Variants in PAQR5 observed in about 807,000 individuals in gnomAD.
The protein encoded by PAQR5 is progestin and adipoQ receptor family member 5.
In PAQR5, 20 loss-of-function variants were observed where a neutral mutation model predicts 34.5. The observed-to-expected ratio is 0.58, with a 90% CI of 0.41 to 0.84. The LOEUF (loss-of-function observed/expected upper bound fraction) is 0.84, where lower values mean the gene tolerates loss of function less well. Among genes scored for constraint, PAQR5 ranks in the 40% least tolerant of loss-of-function variants. The pLI is 0.00. For synonymous variants in PAQR5, 131 were observed against 155.6 expected, an observed-to-expected ratio of 0.84 and a Z score of 1.18; for missense variants, 378 against 412.7, an observed-to-expected ratio of 0.92 and a Z score of 0.73.
At chr15:69,315,714 C>G (rs2053930317) in intron 1 of PAQR5, among the ~76,000 whole-genome samples, 1 of 152,228 alleles carries the variant, frequency 6.6e-6, no homozygotes, top group African/African-American at 2.4e-5. Context: ...TTCCTTTCTT[C>G]TCACTTTTCA....
intron 2 of PAQR5, among the ~76,000 whole-genome samples, chr15:69,357,711 C>T (rs1345377102): frequency 7.2e-5 from 11 of 152,188 alleles, no homozygotes; most frequent in South Asian, 2.1e-4. Flanking sequence ...AGCATATTTA[C>T]GACGGTGAAA....
chr15:69,299,365 C>T (rs916964832), intron 1 of PAQR5, among the ~76,000 whole-genome samples: 2 of 152,226 alleles, frequency 1.3e-5, no homozygotes, highest in Non-Finnish European at 2.9e-5. Flanking sequence ...TTCTCTCACT[C>T]TCCAGGGCGT....
At chr15:69,397,650 T>G (rs1400847052) in intron 7 of PAQR5, 86 bp downstream of exon 7, 2 of 903,028 alleles carry the variant, frequency 2.2e-6, no homozygotes, top group African/African-American at 1.6e-5. Flanking sequence ...GTCACAGCAC[T>G]GCAATGGGAA....
chr15:69,323,595 A>G (rs1223867194), intron 1 of PAQR5, among the ~76,000 whole-genome samples: 2 of 152,220 alleles, frequency 1.3e-5, no homozygotes, highest in East Asian at 1.9e-4. Context: ...AAGACCTGCC[A>G]AGAGTTAGAG....
At chr15:69,313,666 A>T (rs1181861156) in intron 1 of PAQR5, among the ~76,000 whole-genome samples, 1 of 152,166 alleles carries the variant, frequency 6.6e-6, no homozygotes, top group East Asian at 1.9e-4. Context: ...TCCACCAGGG[A>T]GGCCCCATTT....
chr15:69,332,484 C>CAG (rs1028705799), intron 1 of PAQR5, among the ~76,000 whole-genome samples: 8 of 152,070 alleles, frequency 5.3e-5, no homozygotes, highest in African/African-American at 1.9e-4. Context: ...TTTTCTTGAG[C>CAG]AGTTAAAAGC....
chr15:69,319,831 T>C (rs1031957720), intron 1 of PAQR5, among the ~76,000 whole-genome samples: 1 of 152,180 alleles, frequency 6.6e-6, no homozygotes, highest in Non-Finnish European at 1.5e-5. Context: ...TTGGTTCTGC[T>C]CTCAGCGGTT....
At chr15:69,301,409 C>T (rs888146947) in intron 1 of PAQR5, among the ~76,000 whole-genome samples, 3 of 152,208 alleles carry the variant, frequency 2.0e-5, no homozygotes, top group Non-Finnish European at 4.4e-5. Flanking sequence ...CTACCCTAGA[C>T]TGAGGCAGAG....
chr15:69,388,497 G>A (rs531432977), intron 5 of PAQR5, among the ~76,000 whole-genome samples: 1 of 152,240 alleles, frequency 6.6e-6, no homozygotes, highest in African/African-American at 2.4e-5. Flanking sequence ...GGCAGGGTCA[G>A]AAGCTCCCTG....
At chr15:69,319,158 C>CATATAT (rs869082537) in intron 1 of PAQR5, among the ~76,000 whole-genome samples, 3 of 4,272 alleles carry the variant, frequency 7.0e-4, no homozygotes, top group African/African-American at 8.7e-4. Flanking sequence ...TAAATATATA[C>CATATAT]ATATATATAT....
intron 2 of PAQR5, among the ~76,000 whole-genome samples, chr15:69,354,276 C>A (rs573666182): frequency 5.3e-5 from 8 of 152,110 alleles, no homozygotes; most frequent in African/African-American, 1.9e-4. Context: ...GTTACAGAAC[C>A]AAGGACTGTA....
chr15:69,325,383 C>A (rs2054225625), intron 1 of PAQR5, among the ~76,000 whole-genome samples: 1 of 152,156 alleles, frequency 6.6e-6, no homozygotes, highest in Non-Finnish European at 1.5e-5. Flanking sequence ...GGAACGAGCA[C>A]CCACCTGGGC....
At chr15:69,371,221 C>G (rs1199272796) in intron 3 of PAQR5, among the ~76,000 whole-genome samples, 1 of 152,168 alleles carries the variant, frequency 6.6e-6, no homozygotes, top group East Asian at 1.9e-4. Context: ...TGAGGTAGAA[C>G]AGCTGGAATT....
chr15:69,340,251 G>T lies in PAQR5; in HGVS notation c.-116+2750G>T, dbSNP rs551262291. ...TGTCATAATCTAGTATACACATACAGTCATACATAACATAGCAAGCAATAT... is the reference window on the plus strand; with the variant it reads ...TGTCATAATCTAGTATACACATACATTCATACATAACATAGCAAGCAATAT... On this transcript the variant is annotated intron_variant, in intron 2 of 8. Coordinates refer to ENST00000395407, the MANE Select transcript of PAQR5 (RefSeq NM_017705.4). Among the ~76,000 whole-genome samples the T allele has an allele frequency of 4.1e-4, 62 of 152,060 alleles. 1 individual carries two copies. The highest frequency in any genetic ancestry group is 1.4e-3 in the African/African-American group (59 of 41,474).
chr15:69,307,745 GAGGCTTC>G (rs2053750223), intron 1 of PAQR5, among the ~76,000 whole-genome samples: 1 of 152,216 alleles, frequency 6.6e-6, no homozygotes. Context: ...GAGAGGGAAA[GAGGCTTC>G]AGGCAAGAAG....
chr15:69,357,008 C>T (rs1412889453), intron 2 of PAQR5, among the ~76,000 whole-genome samples: 1 of 152,052 alleles, frequency 6.6e-6, no homozygotes, highest in Non-Finnish European at 1.5e-5. Context: ...ATAGTGACTT[C>T]TCTCAAGATC....
At chr15:69,314,366 C>A (rs1410551265) in intron 1 of PAQR5, 2 of 152,172 alleles carry the variant, frequency 1.3e-5, no homozygotes, top group Non-Finnish European at 2.9e-5. Context: ...AGAGGCAGTT[C>A]CAGATGCCCA....
chr15:69,358,121 G>C (rs1164741599), intron 2 of PAQR5, among the ~76,000 whole-genome samples: 1 of 152,110 alleles, frequency 6.6e-6, no homozygotes, highest in Non-Finnish European at 1.5e-5. Flanking sequence ...TAGGGGTAAA[G>C]GAGGAAATTT....
intron 2 of PAQR5, among the ~76,000 whole-genome samples, chr15:69,343,602 A>G (rs994754152): frequency 6.6e-6 from 1 of 152,170 alleles, no homozygotes; most frequent in East Asian, 1.9e-4. Context: ...CTTATTCACA[A>G]TAACTGTCTT....
Sources: allele counts gnomAD v4.1 joint callset (sites outside exome capture counted in the v4.1 genomes callset), GRCh38; gene constraint gnomAD v4.1.1; transcripts MANE v1.5; gene names NCBI Gene and HGNC (gene_info 2026-07-23, HGNC 2026-07-21).